RILPL1: variants seen among roughly 807,000 people sequenced by gnomAD.
The protein encoded by RILPL1 is RILP-like protein 1.
Under a neutral mutation model 50.3 loss-of-function variants are expected in RILPL1, and 33 were observed. The ratio of observed to expected loss-of-function variants is 0.66; its 90% CI spans 0.50 to 0.88. RILPL1 has a LOEUF of 0.88. RILPL1 is among the 40% of genes least tolerant of loss of function. RILPL1 has a pLI of 0.00. For missense variants in RILPL1, 418 were observed against 542.5 expected, an observed-to-expected ratio of 0.77 and a Z score of 2.28; for synonymous variants, 205 against 228.6, an observed-to-expected ratio of 0.90 and a Z score of 0.93.
chr12:123,502,313 C>A (rs1338941534), intron 2 of RILPL1, among the ~76,000 whole-genome samples: 1 of 152,222 alleles, frequency 6.6e-6, no homozygotes, highest in Non-Finnish European at 1.5e-5. Context: ...CACTGCCGGG[C>A]AGACGTCGTA....
intron 2 of RILPL1, chr12:123,519,512 C>T (rs1229904009): frequency 2.6e-5 from 4 of 152,442 alleles, no homozygotes; most frequent in Non-Finnish European, 5.9e-5. Flanking sequence ...GGGGCTGGCT[C>T]CTCTCAGCAC....
chr12:123,499,654 C>T, intron 2 of RILPL1, 118 bp from the exon 3 acceptor site: 1 of 732,128 alleles, frequency 1.4e-6, no homozygotes, highest in East Asian at 2.7e-5. Context: ...CCTCCCCAGC[C>T]TCATCCTCTC....
intron 2 of RILPL1, among the ~76,000 whole-genome samples, chr12:123,515,758 G>A (rs1884651282): frequency 6.6e-6 from 1 of 151,016 alleles, no homozygotes; most frequent in Non-Finnish European, 1.5e-5. Context: ...CACCAGGCTG[G>A]GCGTGGTGGC....
chr12:123,510,675 GGTCT>G (rs1207371818), intron 2 of RILPL1, among the ~76,000 whole-genome samples: 3 of 125,272 alleles, frequency 2.4e-5, no homozygotes, highest in Non-Finnish European at 5.2e-5. Context: ...GTGTGTGTGA[GGTCT>G]GTGTGTGTGT....
At chr12:123,512,384 CTGTG>C (rs1203687871) in intron 2 of RILPL1, among the ~76,000 whole-genome samples, 10 of 58,414 alleles carry the variant, frequency 1.7e-4, no homozygotes. Flanking sequence ...TGTCTGAGGT[CTGTG>C]TGTGTGGTGT....
In RILPL1 at chr12:123,503,572, T is replaced by C. The variant is rs547396791; in HGVS notation, c.461-4036A>G. 3.3e-5 allele frequency among the ~76,000 whole-genome samples: 5 copies of C among 152,146 alleles called. No individual in the cohort carries two copies. In the South Asian group the frequency reaches 8.3e-4, roughly 25 times the overall value. ...CAGCACTTCTCGGCTTGTGGTGACA[T>C]TTCTCCAGTCTCTGCCTCTGTGGTC... On this transcript the variant is annotated intron_variant, in intron 2 of 6. Transcript: ENST00000376874.
At chr12:123,509,381 C>T (rs561946594) in intron 2 of RILPL1, among the ~76,000 whole-genome samples, 4 of 151,878 alleles carry the variant, frequency 2.6e-5, no homozygotes, top group African/African-American at 9.7e-5. Flanking sequence ...CTGACCAACA[C>T]GGAGAAACCC....
In RILPL1 at chr12:123,495,282, C is replaced by A. The variant is rs144699907; in HGVS notation, c.801+3262G>T. Among the ~76,000 whole-genome samples the A allele has an allele frequency of 5.1e-3, 775 of 152,234 alleles. 8 individuals are homozygous for A. Among genetic ancestry groups the A allele is most frequent in the African/African-American group, 0.017 (710 of 41,540 alleles). On this transcript the variant is annotated intron_variant, in intron 4 of 6. Transcript: ENST00000376874. Reference sequence around the variant, plus strand: ...AAGGTCGGAGCCACATTCCTGAGAGCAGCTCATGAACACCTGGAGCCAGCT... The same window carrying A: ...AAGGTCGGAGCCACATTCCTGAGAGAAGCTCATGAACACCTGGAGCCAGCT...
rs1267623892 is a variant in RILPL1 at position 123,485,769 on chromosome 12, C to T, written c.838G>A (p.Glu280Lys). ...TCCTTGAGATCCATGGCCACCTTCT[C>T]TGCGTCGGAGATGCTCTCCTCTCCC... ...PVGEESISDA[E>K]KVAMDLKDPN... is the part of the protein sequence containing the mutation. Residue 280 changes from glutamate (E) to lysine (K), a missense_variant, in exon 5 of 7, where the codon GAG becomes AAG. Glu to Lys is a moderately conservative substitution (Grantham distance 56). Coordinates refer to ENST00000376874, the MANE Select transcript of RILPL1 (RefSeq NM_178314.5). This position sits in a 1 kb window ranked among gnomAD's most constrained non-coding sequence, Gnocchi z 4.0. 1.2e-6 allele frequency: 2 copies of T among 1,611,560 alleles called. No individual in the cohort carries two copies. Among genetic ancestry groups the T allele is most frequent in the Non-Finnish European group, 1.7e-6 (2 of 1,178,966 alleles).
chr12:123,512,993 G>C (rs1273349861), intron 2 of RILPL1, among the ~76,000 whole-genome samples: 1 of 145,978 alleles, frequency 6.9e-6, no homozygotes, highest in East Asian at 2.1e-4. Flanking sequence ...TGTGGTATGT[G>C]AGGTTTGTGT....
chr12:123,533,631 GGCGGGC>G lies in RILPL1; in HGVS notation c.-155_-150del, dbSNP rs1038738680. ...GGCGAGGGCGCAGCGGGCAGCGGGC[GGCGGGC>G]GCGGGCGCGGGCACGGGCGGCGGCG... On this transcript the variant is annotated 5_prime_UTR_variant, in exon 1 of 7. Coordinates refer to ENST00000376874, the MANE Select transcript of RILPL1 (RefSeq NM_178314.5). This position sits in a 1 kb window ranked among gnomAD's most constrained non-coding sequence, Gnocchi z 6.2. The G allele has an allele frequency of 3.3e-5, 13 of 396,942 alleles. No homozygotes were observed. Among genetic ancestry groups the G allele is most frequent in the East Asian group, 1.7e-4 (1 of 6,038 alleles). 24.6% of individuals were successfully genotyped at this position (396,942 alleles called of 1,614,324 possible).
At chr12:123,500,913 T>C (rs1249303677) in intron 2 of RILPL1, among the ~76,000 whole-genome samples, 1 of 151,108 alleles carries the variant, frequency 6.6e-6, no homozygotes, top group Non-Finnish European at 1.5e-5. Flanking sequence ...GAGACCAGCC[T>C]GGCCGACATG....
chr12:123,481,932 G>T (rs1272976399), intron 6 of RILPL1, among the ~76,000 whole-genome samples: 1 of 151,412 alleles, frequency 6.6e-6, no homozygotes, highest in Non-Finnish European at 1.5e-5. Context: ...GAGTACAATG[G>T]CACAATCTCA....
chr12:123,514,279 G>C (rs1281292880), intron 2 of RILPL1: 1 of 152,262 alleles, frequency 6.6e-6, no homozygotes, highest in African/African-American at 2.4e-5. Context: ...GCAGAAAGCA[G>C]ATTAGAGGCT....
Position 123,521,598 on chromosome 12 carries a change from A to AATATATATACACACATATGTGT in RILPL1, c.460+1875_460+1896dup, listed in dbSNP as rs1196562835. Among the ~76,000 whole-genome samples, 16 of 5,710 alleles carry AATATATATACACACATATGTGT rather than the reference A, an allele frequency of 2.8e-3. No homozygotes were observed. The South Asian group carries it at 0.16, about 56-fold the overall frequency. 3.7% of individuals were successfully genotyped at this position (5,710 alleles called of 152,430 possible). A position where few individuals can be genotyped will look rare whatever the true frequency, so the allele number is the denominator to read the frequency against. On this transcript the variant is annotated intron_variant, in intron 2 of 6. Transcript: ENST00000376874. ...ACACACATATGTGTATATATATATT[A>AATATATATACACACATATGTGT]ATATATATACACACATATGTGTATA... is the stretch of plus-strand genomic sequence containing the variant.
Position 123,533,066 on chromosome 12 carries a change from C to G in RILPL1, c.309+108G>C. 4 of 1,218,512 alleles carry G rather than the reference C, an allele frequency of 3.3e-6. No individual in the cohort carries two copies. The highest frequency in any genetic ancestry group is 2.6e-5 in the East Asian group (1 of 38,846). The allele number at this position is 1,218,512 out of a possible 1,614,324, so 75.5% of individuals were successfully genotyped here. On this transcript the variant is annotated intron_variant, in intron 1 of 6. Coordinates refer to ENST00000376874, the MANE Select transcript of RILPL1 (RefSeq NM_178314.5). This position sits in a 1 kb window ranked among gnomAD's most constrained non-coding sequence, Gnocchi z 6.2. Reference sequence around the variant, plus strand: ...TCCCCACGTCGGGTCTCCTCTGGTCCGGTCCCTGAACACACACACGTGCGC... The same window carrying G: ...TCCCCACGTCGGGTCTCCTCTGGTCGGGTCCCTGAACACACACACGTGCGC...
intron 2 of RILPL1, among the ~76,000 whole-genome samples, chr12:123,500,223 C>T (rs1883288895): frequency 1.3e-5 from 2 of 151,526 alleles, no homozygotes; most frequent in Admixed American, 1.3e-4. Context: ...AGCCACCGCG[C>T]CCGGCCTCAT....
intron 6 of RILPL1, among the ~76,000 whole-genome samples, chr12:123,477,017 C>T: frequency 6.6e-6 from 1 of 152,132 alleles, no homozygotes; most frequent in East Asian, 1.9e-4. Flanking sequence ...AGGCGAGAAC[C>T]AGGAGAGACT....
chr12:123,499,567 C>T, intron 2 of RILPL1, 31 bp from the exon 3 acceptor site: 1 of 1,495,290 alleles, frequency 6.7e-7, no homozygotes, highest in Non-Finnish European at 9.3e-7. Context: ...GGCAGGTGAG[C>T]CCGCCTTACT....
Sources: allele counts gnomAD v4.1 joint callset (sites outside exome capture counted in the v4.1 genomes callset), GRCh38; gene constraint gnomAD v4.1.1; non-coding constraint Gnocchi (gnomAD v3.1); transcripts MANE v1.5; gene names NCBI Gene and HGNC (gene_info 2026-07-23, HGNC 2026-07-21).